The following SMAD1 variants were observed in gnomAD, a reference collection of about 807,000 sequenced individuals.
The protein encoded by SMAD1 is MAD, mothers against decapentaplegic homolog 1.
Under a neutral mutation model 41.6 loss-of-function variants are expected in SMAD1, and 6 were observed. The ratio of observed to expected loss-of-function variants is 0.14; its 90% CI spans 0.08 to 0.28. The LOEUF is 0.28. Ranked by LOEUF, SMAD1 falls within the 10% of genes least tolerant of loss-of-function variation. SMAD1 has a pLI of 1.00. For synonymous variants in SMAD1, 206 were observed against 203.2 expected (o/e 1.01, Z -0.12); for missense variants, 379 against 582.6 (o/e 0.65, Z 3.60).
At chr4:145,553,741 A>T (rs1330404782) in intron 5 of SMAD1, 43 bp from the exon 6 acceptor site, 1 of 1,580,928 alleles carries the variant, frequency 6.3e-7, no homozygotes. Context: ...TTTGAGCTGT[A>T]AAAATTAATA....
chr4:145,499,854 A>G (rs1729325962), intron 1 of SMAD1, among the ~76,000 whole-genome samples: 1 of 152,038 alleles, frequency 6.6e-6, no homozygotes, highest in Non-Finnish European at 1.5e-5. Context: ...TTCTTGGACT[A>G]CTTCTCCTCC....
chr4:145,493,642 C>T (rs756365466), intron 1 of SMAD1, among the ~76,000 whole-genome samples: 35 of 152,166 alleles, frequency 2.3e-4, no homozygotes, highest in African/African-American at 7.2e-4. Flanking sequence ...TTTGTGTGGG[C>T]TGAGATGTTC....
intron 1 of SMAD1, among the ~76,000 whole-genome samples, chr4:145,501,550 G>A (rs1477702536): frequency 6.6e-6 from 1 of 152,096 alleles, no homozygotes; most frequent in Admixed American, 6.5e-5. Flanking sequence ...CCCTACAGAT[G>A]TGCATGTTTG....
At chr4:145,523,562 T>C (rs1409106275) in intron 2 of SMAD1, among the ~76,000 whole-genome samples, 1 of 152,166 alleles carries the variant, frequency 6.6e-6, no homozygotes, top group African/African-American at 2.4e-5. Flanking sequence ...AAATATACTA[T>C]GTATATTTGT....
intron 2 of SMAD1, among the ~76,000 whole-genome samples, chr4:145,536,167 A>G (rs1578806518): frequency 2.0e-5 from 3 of 152,158 alleles, no homozygotes; most frequent in Non-Finnish European, 4.4e-5. Flanking sequence ...AGAAAGGCAA[A>G]TGAAAACCCT....
chr4:145,532,368 A>G (rs1241243363), intron 2 of SMAD1, among the ~76,000 whole-genome samples: 1 of 152,234 alleles, frequency 6.6e-6, no homozygotes, highest in African/African-American at 2.4e-5. Context: ...CCTTTTAAAG[A>G]CATAACACAA....
chr4:145,546,986 T>C, intron 5 of SMAD1, 62 bp downstream of exon 5: 1 of 1,274,616 alleles, frequency 7.8e-7, no homozygotes, highest in Non-Finnish European at 1.1e-6. Context: ...CCTCCAGAGC[T>C]GACTTAAAAT....
At position 145,558,671 on chromosome 4, in the gene SMAD1, GAAAC is replaced by G. The variant is rs1732976470; in HGVS notation, c.*742_*745del. 6.7e-6 allele frequency among the ~76,000 whole-genome samples: 1 copy of G among 150,360 alleles called. No homozygotes were observed. Among genetic ancestry groups the G allele is most frequent in the Admixed American group, 6.6e-5 (1 of 15,238 alleles). On this transcript the variant is annotated 3_prime_UTR_variant, in exon 7 of 7. Transcript: ENST00000302085. ...TAAAAATTCAGTTTGTTGCTTTAAAGAAACAAACTGATACCTGAATTTTGCTGTG... is the reference window on the plus strand; with the variant it reads ...TAAAAATTCAGTTTGTTGCTTTAAAGAAACTGATACCTGAATTTTGCTGTG...
intron 2 of SMAD1, among the ~76,000 whole-genome samples, chr4:145,525,013 A>G (rs1358157382): frequency 2.0e-5 from 3 of 152,164 alleles, no homozygotes; most frequent in Non-Finnish European, 2.9e-5. Flanking sequence ...AGTAAGTTTT[A>G]TATGTGGTTG....
rs184042257 is a variant in SMAD1 at position 145,505,796 on chromosome 4, G to A, written c.-176-8642G>A. Among the ~76,000 whole-genome samples, 436 of 152,066 alleles carry A rather than the reference G, an allele frequency of 2.9e-3. 1 individual carries two copies. The highest frequency in any genetic ancestry group is 1.0e-2 in the African/African-American group (414 of 41,448). ...TAAGTCTGGAAATACGCACTTAGGT[G>A]GTTTTGTTACTTAGAAATATTTGTT... On this transcript the variant is annotated intron_variant, in intron 1 of 6. Transcript: ENST00000302085.
At chr4:145,494,669 C>T (rs575085614) in intron 1 of SMAD1, among the ~76,000 whole-genome samples, 14 of 152,196 alleles carry the variant, frequency 9.2e-5, no homozygotes, top group Non-Finnish European at 1.0e-4. Context: ...TATCCAGCAA[C>T]ATTAAGAACG....
chr4:145,522,834 C>A (rs1319341236), intron 2 of SMAD1, among the ~76,000 whole-genome samples: 1 of 151,972 alleles, frequency 6.6e-6, no homozygotes, highest in Non-Finnish European at 1.5e-5. Context: ...CACCCGCCAC[C>A]ATGCCCAACT....
At chr4:145,485,226 T>TCTG (rs573159825) in intron 1 of SMAD1, among the ~76,000 whole-genome samples, 69 of 152,132 alleles carry the variant, frequency 4.5e-4, no homozygotes, top group African/African-American at 1.4e-3. Context: ...TGCCACCATG[T>TCTG]CTGCCTGACT....
intron 6 of SMAD1, among the ~76,000 whole-genome samples, chr4:145,555,502 T>C (rs186590520): frequency 6.6e-6 from 1 of 152,292 alleles, no homozygotes; most frequent in East Asian, 1.9e-4. Flanking sequence ...TGGTAATTAT[T>C]ACTGAGGTCC....
At chr4:145,528,967 G>A (rs1731179023) in intron 2 of SMAD1, among the ~76,000 whole-genome samples, 1 of 152,190 alleles carries the variant, frequency 6.6e-6, no homozygotes, top group African/African-American at 2.4e-5. Context: ...TAGGATCAGA[G>A]TTGTTCAGAG....
intron 2 of SMAD1, 149 bp downstream of exon 2, chr4:145,515,162 G>GTGTC (rs1425251518): frequency 1.4e-6 from 1 of 721,138 alleles, no homozygotes; most frequent in African/African-American, 1.8e-5. Context: ...GTGTGTGTGT[G>GTGTC]TGTGTGTGTG....
At chr4:145,520,520 G>A (rs1383644531) in intron 2 of SMAD1, among the ~76,000 whole-genome samples, 2 of 152,236 alleles carry the variant, frequency 1.3e-5, no homozygotes, top group African/African-American at 4.8e-5. Context: ...GGATGAAGTT[G>A]TCTTGAATTC....
chr4:145,545,804 C>G (rs1732221829), intron 4 of SMAD1: 1 of 152,058 alleles, frequency 6.6e-6, no homozygotes, highest in South Asian at 2.1e-4. Context: ...GTTTGTATTC[C>G]TGGAATCTCT....
At position 145,509,103 on chromosome 4, in the gene SMAD1, C is replaced by T. The variant is rs151030791; in HGVS notation, c.-176-5335C>T. ...ATGCACAGCACATGGGCCTCTTCTT[C>T]GGTTATTCTTGTGCCCATGGGCAAT... On this transcript the variant is annotated intron_variant, in intron 1 of 6. Transcript: ENST00000302085. 3.7e-3 allele frequency among the ~76,000 whole-genome samples: 566 copies of T among 152,282 alleles called. 3 individuals carry two copies. Among genetic ancestry groups the T allele is most frequent in the African/African-American group, 0.013 (534 of 41,552 alleles).
Sources: allele counts gnomAD v4.1 joint callset (sites outside exome capture counted in the v4.1 genomes callset), GRCh38; gene constraint gnomAD v4.1.1; transcripts MANE v1.5; gene names NCBI Gene and HGNC (gene_info 2026-07-23, HGNC 2026-07-21).